The following PKIB variants were observed in gnomAD, a reference collection of about 807,000 sequenced individuals.
PKIB encodes the protein cAMP-dependent protein kinase inhibitor beta, also known as PKI-beta.
Under a neutral mutation model 4.5 loss-of-function variants are expected in PKIB, and 2 were observed. The ratio of observed to expected loss-of-function variants is 0.44; its 90% confidence interval spans 0.18 to 1.39. PKIB has a LOEUF of 1.39. PKIB is among the 40% of genes most tolerant of loss of function. The pLI is 0.27. For synonymous variants in PKIB, 38 were observed against 36.0 expected (o/e 1.06, Z -0.20); for missense variants, 94 against 92.6 (o/e 1.02, Z -0.06).
intron 2 of PKIB, among the ~76,000 whole-genome samples, chr6:122,520,665 A>ACCCCCCCCC (rs10650320): frequency 5.6e-5 from 6 of 107,980 alleles, no homozygotes; most frequent in African/African-American, 1.4e-4. Flanking sequence ...TTATGTTCCC[A>ACCCCCCCCC]CCCCCCCCCC....
At chr6:122,599,805 G>T (rs1458924142) in intron 3 of PKIB, among the ~76,000 whole-genome samples, 3 of 152,058 alleles carry the variant, frequency 2.0e-5, no homozygotes, top group Non-Finnish European at 4.4e-5. Context: ...TATACTATTA[G>T]TAGTAGAGTC....
intron 2 of PKIB, among the ~76,000 whole-genome samples, chr6:122,541,290 C>T (rs1777589142): frequency 1.3e-5 from 2 of 152,054 alleles, no homozygotes; most frequent in Non-Finnish European, 2.9e-5. Flanking sequence ...ATGGTCTTTA[C>T]ATTTTGGCAT....
Position 122,620,018 on chromosome 6 carries a change from T to G in PKIB, c.-161+9483T>G, listed in dbSNP as rs544755076. On this transcript the variant is annotated intron_variant, in intron 1 of 4. Transcript: ENST00000368452. ...CCTTCCTATTGGAGACTGTTTATTA[T>G]TTTCAATTTTATAATCTCAGAGTAG... Among the ~76,000 whole-genome samples the G allele has an allele frequency of 2.0e-5, 3 of 152,330 alleles. No individual in the cohort carries two copies. The East Asian group carries it at 5.8e-4, about 29-fold the overall frequency.
chr6:122,620,436 T>G (rs1398191716), intron 1 of PKIB, among the ~76,000 whole-genome samples: 1 of 152,226 alleles, frequency 6.6e-6, no homozygotes, highest in African/African-American at 2.4e-5. Flanking sequence ...AAGAATTCTC[T>G]CTTGGTTTCT....
intron 2 of PKIB, among the ~76,000 whole-genome samples, chr6:122,646,793 T>C (rs926032968): frequency 1.3e-5 from 2 of 152,196 alleles, no homozygotes; most frequent in African/African-American, 4.8e-5. Flanking sequence ...GTTTATTATA[T>C]TGGGTTTTAG....
At chr6:122,578,836 C>A (rs1315125110) in intron 2 of PKIB, among the ~76,000 whole-genome samples, 1 of 152,138 alleles carries the variant, frequency 6.6e-6, no homozygotes, top group Non-Finnish European at 1.5e-5. Context: ...GGGTCAGTTA[C>A]CCTCATGCTG....
At chr6:122,710,242 C>T (rs1167532179) in intron 3 of PKIB, among the ~76,000 whole-genome samples, 1 of 152,008 alleles carries the variant, frequency 6.6e-6, no homozygotes, top group East Asian at 1.9e-4. Flanking sequence ...TGTCATAAAC[C>T]GCCATTTGAC....
intron 2 of PKIB, among the ~76,000 whole-genome samples, chr6:122,509,822 T>C (rs1490210789): frequency 1.3e-5 from 2 of 152,096 alleles, no homozygotes; most frequent in Admixed American, 1.3e-4. Context: ...TTTTGAATAA[T>C]AACCCCCATT....
intron 2 of PKIB, among the ~76,000 whole-genome samples, chr6:122,533,280 C>T (rs1777312982): frequency 1.3e-5 from 2 of 152,086 alleles, no homozygotes; most frequent in Non-Finnish European, 2.9e-5. Context: ...AGGAATCCTT[C>T]CACCTCAGCC....
intron 2 of PKIB, chr6:122,479,180 G>A (rs1031995120): frequency 1.3e-5 from 2 of 152,142 alleles, no homozygotes; most frequent in Non-Finnish European, 2.9e-5. Flanking sequence ...GCAGAGAGCT[G>A]TTCCTATTGG....
chr6:122,519,270 C>T (rs1404363011), intron 2 of PKIB, among the ~76,000 whole-genome samples: 2 of 152,180 alleles, frequency 1.3e-5, no homozygotes, highest in Non-Finnish European at 2.9e-5. Flanking sequence ...TGATCTGTCA[C>T]TGTCTCCCAT....
intron 3 of PKIB, among the ~76,000 whole-genome samples, chr6:122,590,405 C>T (rs771718062): frequency 2.0e-5 from 3 of 152,042 alleles, no homozygotes; most frequent in Non-Finnish European, 4.4e-5. Context: ...TCTATCTGTA[C>T]CTCAGTTTAC....
At chr6:122,689,428 TG>T (rs1778235756) in intron 3 of PKIB, among the ~76,000 whole-genome samples, 1 of 152,296 alleles carries the variant, frequency 6.6e-6, no homozygotes, top group African/African-American at 2.4e-5. Context: ...GTACTGTTTT[TG>T]TGAATTCCAC....
chr6:122,503,510 TG>T lies in PKIB; in HGVS notation c.-248+25572del, dbSNP rs576855792. 2.9e-4 allele frequency among the ~76,000 whole-genome samples: 44 copies of T among 152,342 alleles called. 1 individual carries two copies. In the South Asian group the frequency reaches 8.1e-3, roughly 28 times the overall value. On this transcript the variant is annotated intron_variant, in intron 2 of 6. Coordinates refer to the PKIB transcript ENST00000392491. ...GCGTGACTGAGTCCAGGGATTTAAA[TG>T]AGCTCTTCAGGATTATCTCTTTCTC... is the stretch of plus-strand genomic sequence containing the variant.
chr6:122,499,913 G>T (rs960314346), intron 2 of PKIB, among the ~76,000 whole-genome samples: 1 of 152,052 alleles, frequency 6.6e-6, no homozygotes, highest in African/African-American at 2.4e-5. Flanking sequence ...TAACATTTAA[G>T]TGGAGATCCA....
chr6:122,651,794 G>A (rs1776566124), intron 2 of PKIB, among the ~76,000 whole-genome samples: 8 of 152,142 alleles, frequency 5.3e-5, no homozygotes, highest in Admixed American at 5.2e-4. Flanking sequence ...AGCTTGAACA[G>A]GAAATTTCAA....
chr6:122,484,889 A>C (rs1027029330), intron 2 of PKIB, among the ~76,000 whole-genome samples: 1 of 152,212 alleles, frequency 6.6e-6, no homozygotes, highest in Non-Finnish European at 1.5e-5. Flanking sequence ...CTAACTTAGG[A>C]GTATGCGCCA....
chr6:122,669,069 A>T (rs1352947302), intron 2 of PKIB, among the ~76,000 whole-genome samples: 1 of 152,122 alleles, frequency 6.6e-6, no homozygotes, highest in Non-Finnish European at 1.5e-5. Context: ...ACAAAACAAA[A>T]CAAAAACAAT....
At chr6:122,702,466 A>G (rs938085894) in intron 3 of PKIB, among the ~76,000 whole-genome samples, 1 of 150,338 alleles carries the variant, frequency 6.7e-6, no homozygotes, top group Non-Finnish European at 1.5e-5. Context: ...AGTGTCTGGG[A>G]TACAGGCACA....
Sources: allele counts gnomAD v4.1 joint callset (sites outside exome capture counted in the v4.1 genomes callset), GRCh38; gene constraint gnomAD v4.1.1; transcripts MANE v1.5; gene names NCBI Gene and HGNC (gene_info 2026-07-23, HGNC 2026-07-21).